The following RPS6KA2 variants were observed in gnomAD, a reference collection of about 807,000 sequenced individuals.
RPS6KA2 encodes the protein ribosomal protein S6 kinase alpha-2.
Under a neutral mutation model 91.8 loss-of-function variants are expected in RPS6KA2, and 42 were observed. The observed-to-expected ratio is 0.46, with a 90% CI of 0.36 to 0.59. The LOEUF (loss-of-function observed/expected upper bound fraction) is 0.59. Among genes scored for constraint, RPS6KA2 ranks in the 20% least tolerant of loss-of-function variants. The pLI, the probability that RPS6KA2 is intolerant of heterozygous loss-of-function variation, is 0.00. For missense variants in RPS6KA2, 798 were observed against 978.5 expected (o/e 0.82, Z 2.46); for synonymous variants, 414 against 393.6 (o/e 1.05, Z -0.61).
intron 2 of RPS6KA2, among the ~76,000 whole-genome samples, chr6:166,644,383 G>A (rs1183726610): frequency 6.6e-6 from 1 of 152,098 alleles, no homozygotes; most frequent in Non-Finnish European, 1.5e-5. Flanking sequence ...TACTGTGCCT[G>A]CTCCCCCAGT....
At position 166,468,856 on chromosome 6, in the gene RPS6KA2, T is replaced by TCCATCTCAAAAAAAAAAA. The variant is rs567161437; in HGVS notation, c.972+984_972+985insTTTTTTTTTTTGAGATGG. On this transcript the variant is annotated intron_variant, in intron 11 of 20. Transcript: ENST00000265678. The stretch of plus-strand genomic sequence containing the variant: ...TCCAGCCTGGGCGACAGAGCGAGAC[T>TCCATCTCAAAAAAAAAAA]AAAAAAAAAAAAAAAAAGAAGACAG... Among the ~76,000 whole-genome samples, 159 of 112,146 alleles carry TCCATCTCAAAAAAAAAAA rather than the reference T, an allele frequency of 1.4e-3. 8 individuals carry two copies. The highest frequency in any genetic ancestry group is 5.8e-3 in the African/African-American group (151 of 25,928). 73.6% of individuals were successfully genotyped at this position (112,146 alleles called of 152,430 possible).
chr6:166,768,892 C>T (rs558997454), intron 2 of RPS6KA2, among the ~76,000 whole-genome samples: 1 of 152,326 alleles, frequency 6.6e-6, no homozygotes, highest in Admixed American at 6.5e-5. Flanking sequence ...GCCCTCAGCC[C>T]ACAGAGACCC....
At chr6:166,476,473 C>T (rs1222290863) in intron 10 of RPS6KA2, among the ~76,000 whole-genome samples, 1 of 152,226 alleles carries the variant, frequency 6.6e-6, no homozygotes, top group East Asian at 1.9e-4. Context: ...TCTCGCTACA[C>T]TGTGCGCACA....
intron 1 of RPS6KA2, among the ~76,000 whole-genome samples, chr6:166,593,213 A>T (rs188521430): frequency 2.6e-5 from 4 of 152,380 alleles, no homozygotes; most frequent in Admixed American, 2.6e-4. Context: ...AAGCGTTTGG[A>T]AGAAAAATTC....
In RPS6KA2 at chr6:166,563,422, C is replaced by G. The variant is rs1784401534; in HGVS notation, c.100-24638G>C. On this transcript the variant is annotated intron_variant, in intron 1 of 20. Transcript: ENST00000265678. The surrounding 1 kb of genome is among the most constrained non-coding windows in gnomAD (Gnocchi z 4.1). ...CAGCGGTGGGATCCCTCTTCCTGCA[C>G]AGAACCGCCTCTTCCTTCCTCCTGG... Among the ~76,000 whole-genome samples, 1 of 152,192 alleles carries G rather than the reference C, an allele frequency of 6.6e-6. No homozygotes were observed. The highest frequency in any genetic ancestry group is 2.4e-5 in the African/African-American group (1 of 41,440).
intron 1 of RPS6KA2, among the ~76,000 whole-genome samples, chr6:166,573,075 G>A (rs372645046): frequency 2.0e-5 from 3 of 152,156 alleles, no homozygotes; most frequent in Admixed American, 6.5e-5. Context: ...AGAAGCTCTC[G>A]GGAGCCCTCC....
chr6:166,834,924 A>C (rs1780281471), intron 2 of RPS6KA2, among the ~76,000 whole-genome samples: 1 of 152,082 alleles, frequency 6.6e-6, no homozygotes, highest in South Asian at 2.1e-4. Context: ...GCGATGATTT[A>C]TTCTATCAGT....
At chr6:166,420,107 C>G in intron 17 of RPS6KA2, 149 bp from the exon 18 acceptor site, 1 of 681,672 alleles carries the variant, frequency 1.5e-6, no homozygotes, top group East Asian at 2.9e-5. Flanking sequence ...TTTCTTAAGG[C>G]AAAGCCAACC....
intron 2 of RPS6KA2, among the ~76,000 whole-genome samples, chr6:166,637,063 TG>T (rs951359270): frequency 6.6e-6 from 1 of 152,154 alleles, no homozygotes; most frequent in Non-Finnish European, 1.5e-5. Context: ...CCTAAAGGGC[TG>T]GGGAGGTGCC....
At chr6:166,566,137 C>G (rs149410245) in intron 1 of RPS6KA2, among the ~76,000 whole-genome samples, 5 of 152,296 alleles carry the variant, frequency 3.3e-5, no homozygotes, top group African/African-American at 1.2e-4. Context: ...CTAGGGTGTA[C>G]AGAAAGGGAA....
rs200223402 is a variant in RPS6KA2 at position 166,435,071 on chromosome 6, TAAAG to T, written c.1333-2585_1333-2582del. Among the ~76,000 whole-genome samples, 1 of 152,212 alleles carries T rather than the reference TAAAG, an allele frequency of 6.6e-6. No individual in the cohort carries two copies. The highest frequency in any genetic ancestry group is 6.5e-5 in the Admixed American group (1 of 15,282). On this transcript the variant is annotated intron_variant, in intron 14 of 20. Coordinates refer to ENST00000265678, the MANE Select transcript of RPS6KA2 (RefSeq NM_021135.6). This position sits in a 1 kb window ranked among gnomAD's most constrained non-coding sequence, Gnocchi z 4.3. ...TATATTGTCTATTCAAAATATGAAA[TAAAG>T]AATTCCAAAATTTCAGCTTACTATT... is the stretch of plus-strand genomic sequence containing the variant.
At chr6:166,613,717 C>T (rs1456156422) in intron 1 of RPS6KA2, among the ~76,000 whole-genome samples, 2 of 152,172 alleles carry the variant, frequency 1.3e-5, no homozygotes, top group African/African-American at 2.4e-5. Context: ...GAGATATGAT[C>T]CCATCACTCC....
Position 166,498,501 on chromosome 6 carries a change from G to T in RPS6KA2, c.747+7C>A. ...CATGGCACAGAAGAGGGTCGGGGCA[G>T]GCTCACCATGAGCACGCCGAAGGAC... On this transcript the variant is annotated splice_region_variant and intron_variant, in intron 8 of 20. Transcript: ENST00000265678. The T allele has an allele frequency of 6.2e-7, 1 of 1,606,022 alleles. No individual in the cohort carries two copies. Among genetic ancestry groups the T allele is most frequent in the Admixed American group, 1.7e-5 (1 of 58,896 alleles).
intron 3 of RPS6KA2, among the ~76,000 whole-genome samples, chr6:166,525,555 A>G (rs1179287368): frequency 1.3e-5 from 2 of 152,192 alleles, no homozygotes; most frequent in Admixed American, 6.5e-5. Flanking sequence ...TTATCCTCCG[A>G]GGTGAGCTGG....
At chr6:166,420,061 G>T (rs1778669039) in intron 17 of RPS6KA2, 103 bp from the exon 18 acceptor site, 3 of 1,081,804 alleles carry the variant, frequency 2.8e-6, no homozygotes, top group East Asian at 2.5e-5. Context: ...TGGGGACCAG[G>T]AGGAGGGCGG....
At chr6:166,670,226 C>T (rs182484238) in intron 2 of RPS6KA2, among the ~76,000 whole-genome samples, 81 of 152,370 alleles carry the variant, frequency 5.3e-4, no homozygotes, top group South Asian at 4.3e-3. Flanking sequence ...CCGGTCCGTG[C>T]GGCCTTGCCC....
chr6:166,417,208 A>C (rs6925364), intron 19 of RPS6KA2, among the ~76,000 whole-genome samples: 103,902 of 152,106 alleles, frequency 0.68, 35,799 homozygotes, highest in South Asian at 0.83. Flanking sequence ...ACCTCTGGAC[A>C]AGAGCTCTAC....
Position 166,770,856 on chromosome 6 carries a change from T to C in RPS6KA2, c.123+87344A>G. ...GAAAAAAACAAACCCACAGGAACGC[T>C]TCTTACCTCTACGGATCCAGCTACC... On this transcript the variant is annotated intron_variant, in intron 2 of 21. Coordinates refer to the RPS6KA2 transcript ENST00000503859. The surrounding 1 kb of genome is among the most constrained non-coding windows in gnomAD (Gnocchi z 5.1). 4.4e-6 allele frequency: 7 copies of C among 1,593,980 alleles called. No homozygotes were observed. Among genetic ancestry groups the C allele is most frequent in the Non-Finnish European group, 5.9e-6 (7 of 1,178,772 alleles).
intron 2 of RPS6KA2, among the ~76,000 whole-genome samples, chr6:166,632,852 C>T (rs781179959): frequency 2.6e-5 from 4 of 151,938 alleles, no homozygotes; most frequent in African/African-American, 4.8e-5. Flanking sequence ...GGAACAGGGT[C>T]GGGGAGAGGC....
Sources: gnomAD v4.1 joint callset for allele counts (sites outside exome capture counted in the v4.1 genomes callset) on GRCh38, gnomAD v4.1.1 for gene constraint, Gnocchi (gnomAD v3.1) non-coding constraint, MANE v1.5 for transcripts, NCBI Gene and HGNC (gene_info 2026-07-23, HGNC 2026-07-21) for gene names.